The following PAPOLG variants were observed in gnomAD, a reference collection of about 807,000 sequenced individuals.
PAPOLG encodes PAP-gamma.
A neutral mutation model predicts 99.0 loss-of-function variants in PAPOLG; 40 were observed. That is an observed-to-expected ratio of 0.40 (90% confidence interval 0.31 to 0.53). The LOEUF (loss-of-function observed/expected upper bound fraction) is 0.53. PAPOLG is among the 20% of genes least tolerant of loss of function. The pLI, the probability that PAPOLG is intolerant of heterozygous loss-of-function variation, is 0.41. For missense variants in PAPOLG, 675 were observed against 884.1 expected, an observed-to-expected ratio of 0.76 and a Z score of 3.00; for synonymous variants, 310 against 299.3, an observed-to-expected ratio of 1.04 and a Z score of -0.37.
intron 3 of PAPOLG, among the ~76,000 whole-genome samples, chr2:60,764,581 A>C (rs759345646): frequency 1.9e-4 from 29 of 151,878 alleles, no homozygotes; most frequent in Non-Finnish European, 3.7e-4. Context: ...ATGCACCACC[A>C]CACCTGGCTA....
chr2:60,764,641 A>G (rs1186441965), intron 3 of PAPOLG, among the ~76,000 whole-genome samples: 1 of 151,754 alleles, frequency 6.6e-6, no homozygotes, highest in Non-Finnish European at 1.5e-5. Flanking sequence ...GGCCAGGCTG[A>G]TCTCGAACTC....
chr2:60,799,924 C>T lies in PAPOLG; in HGVS notation c.*2764C>T, dbSNP rs979285426. The T allele has an allele frequency of 1.3e-5, 2 of 152,168 alleles. No individual in the cohort carries two copies. Among genetic ancestry groups the T allele is most frequent in the Non-Finnish European group, 2.9e-5 (2 of 68,034 alleles). The allele number at this position is 152,168 out of a possible 1,614,324, so 9.4% of individuals were successfully genotyped here. On this transcript the variant is annotated 3_prime_UTR_variant, in exon 22 of 22. Coordinates refer to ENST00000238714, the MANE Select transcript of PAPOLG (RefSeq NM_022894.4). ...ACAGGCGTGAACCACCGCACCCGGC[C>T]GTGTTTGTTTTCAAGTGTGAAAAAA...
At chr2:60,778,211 A>C (rs926600627) in intron 8 of PAPOLG, among the ~76,000 whole-genome samples, 3 of 152,154 alleles carry the variant, frequency 2.0e-5, no homozygotes, top group Non-Finnish European at 4.4e-5. Flanking sequence ...CAGTGGTGCA[A>C]TTATAGCTCA....
At position 60,792,150 on chromosome 2, in the gene PAPOLG, C is replaced by T; in HGVS notation, c.1540C>T (p.Arg514Ter). Residue 514 changes from arginine (R) to a stop codon, truncating the protein, a stop_gained, in exon 17 of 22, where the codon CGA (arginine) becomes TGA (stop). Transcript: ENST00000238714. LOFTEE classifies it high-confidence loss of function. The stretch of plus-strand genomic sequence containing the variant: ...TCAGCAAAGTCTCTCTGATGTCAAT[C>T]GAAGCTCGGGCGGACTTCAATCCAA... ...KKKQSLSDVN[R>*]SSGGLQSKRL... 1.3e-6 allele frequency: 2 copies of T among 1,588,444 alleles called. No individual in the cohort carries two copies. Among genetic ancestry groups the T allele is most frequent in the Non-Finnish European group, 1.7e-6 (2 of 1,173,314 alleles).
intron 2 of PAPOLG, among the ~76,000 whole-genome samples, chr2:60,760,707 G>A (rs1267483709): frequency 6.6e-6 from 1 of 152,210 alleles, no homozygotes; most frequent in African/African-American, 2.4e-5. Flanking sequence ...TCTGAGCAGT[G>A]AGGAAGCAGG....
chr2:60,779,888 T>G, intron 9 of PAPOLG, 113 bp downstream of exon 9: 3 of 955,434 alleles, frequency 3.1e-6, no homozygotes, highest in Non-Finnish European at 4.5e-6. Context: ...CATTGCTTTG[T>G]AAAGTTGAAA....
intron 8 of PAPOLG, 92 bp downstream of exon 8, chr2:60,775,215 G>A (rs946835022): frequency 3.6e-6 from 5 of 1,393,170 alleles, no homozygotes. Flanking sequence ...TGAACCTAAT[G>A]ATATTGTTGG....
chr2:60,757,148 G>A (rs536728496), intron 1 of PAPOLG, among the ~76,000 whole-genome samples: 1 of 152,350 alleles, frequency 6.6e-6, no homozygotes, highest in East Asian at 1.9e-4. Context: ...GCAGAAAAAT[G>A]TAGAGAATAA....
chr2:60,765,898 G>A (rs1437576374), intron 3 of PAPOLG, among the ~76,000 whole-genome samples: 1 of 152,122 alleles, frequency 6.6e-6, no homozygotes, highest in Non-Finnish European at 1.5e-5. Flanking sequence ...GGAAGATCTT[G>A]AGCCTAAGAG....
intron 7 of PAPOLG, among the ~76,000 whole-genome samples, chr2:60,772,959 A>G (rs1006145214): frequency 5.9e-5 from 9 of 151,776 alleles, no homozygotes; most frequent in Admixed American, 5.9e-4. Context: ...GGAGTCTCAC[A>G]CTGTTACCCA....
At position 60,756,331 on chromosome 2, in the gene PAPOLG, G is replaced by A. The variant is rs1670337217; in HGVS notation, c.-148G>A. ...GGTTTTGTGGTGTTTTCACTACTCG[G>A]TTGGATGCCTCAGCCATAGTAAGTG... On this transcript the variant is annotated 5_prime_UTR_variant, in exon 1 of 22. Transcript: ENST00000238714. 4 of 952,196 alleles carry A rather than the reference G, an allele frequency of 4.2e-6. No individual in the cohort carries two copies. The African/African-American group carries it at 4.9e-5, about 12-fold the overall frequency. 59.0% of individuals were successfully genotyped at this position (952,196 alleles called of 1,614,324 possible).
chr2:60,780,794 A>G lies in PAPOLG; in HGVS notation c.906+15A>G, dbSNP rs1671164678. 2.5e-6 allele frequency: 4 copies of G among 1,583,628 alleles called. No individual in the cohort carries two copies. The highest frequency in any genetic ancestry group is 3.5e-6 in the Non-Finnish European group (4 of 1,152,458). ...GGGATCCTCGGGTATGTGATTTATTATGGAGTTTCTTTAAAGCTTTTAAGG... is the reference window on the plus strand; with the variant it reads ...GGGATCCTCGGGTATGTGATTTATTGTGGAGTTTCTTTAAAGCTTTTAAGG... On this transcript the variant is annotated intron_variant, in intron 10 of 21. Transcript: ENST00000238714.
At chr2:60,783,500 CT>C (rs761205449) in intron 13 of PAPOLG, among the ~76,000 whole-genome samples, 529 of 45,342 alleles carry the variant, frequency 0.012, 1 homozygote, top group Non-Finnish European at 0.018. Context: ...TTTACCCGGC[CT>C]TTTTTTTTTT....
rs567504914 is a variant in PAPOLG at position 60,795,357 on chromosome 2, A to G, written c.2112+337A>G. 11 of 469,174 alleles carry G rather than the reference A, an allele frequency of 2.3e-5. No individual in the cohort carries two copies. The East Asian group carries it at 2.4e-4, about 10-fold the overall frequency. 29.1% of individuals were successfully genotyped at this position (469,174 alleles called of 1,614,324 possible). ...TGGAGGTATATCTCTGTTGTGTACTATTGCTTACTGCCAAAACATAGGTTT... is the reference window on the plus strand; with the variant it reads ...TGGAGGTATATCTCTGTTGTGTACTGTTGCTTACTGCCAAAACATAGGTTT... On this transcript the variant is annotated intron_variant, in intron 21 of 21. Coordinates refer to ENST00000238714, the MANE Select transcript of PAPOLG (RefSeq NM_022894.4).
At chr2:60,791,714 T>C in intron 15 of PAPOLG, 47 bp from the exon 16 acceptor site, 1 of 1,561,350 alleles carries the variant, frequency 6.4e-7, no homozygotes, top group Non-Finnish European at 8.6e-7. Flanking sequence ...GGCAGAACCC[T>C]TGGTTCAGAA....
At chr2:60,778,592 A>G (rs1319099202) in intron 8 of PAPOLG, among the ~76,000 whole-genome samples, 1 of 152,168 alleles carries the variant, frequency 6.6e-6, no homozygotes, top group Non-Finnish European at 1.5e-5. Flanking sequence ...TGTACTTTAA[A>G]TGGACGAATC....
At chr2:60,760,378 C>T in intron 2 of PAPOLG, 83 bp downstream of exon 2, 2 of 1,298,912 alleles carry the variant, frequency 1.5e-6, no homozygotes, top group Non-Finnish European at 1.1e-6. Flanking sequence ...CCTACTGTGT[C>T]TCTAGATACA....
chr2:60,782,390 A>G (rs1479448678), intron 11 of PAPOLG, among the ~76,000 whole-genome samples: 1 of 151,946 alleles, frequency 6.6e-6, no homozygotes, highest in Admixed American at 6.6e-5. Context: ...AACCTGGTGA[A>G]ACCCTGTCTC....
At chr2:60,782,145 T>A (rs1573241811) in intron 11 of PAPOLG, 140 bp downstream of exon 11, 1 of 936,958 alleles carries the variant, frequency 1.1e-6, no homozygotes, top group East Asian at 2.6e-5. Context: ...GTTATTTTGT[T>A]TTTTAGTAAT....
Sources: allele counts gnomAD v4.1 joint callset (sites outside exome capture counted in the v4.1 genomes callset), GRCh38; gene constraint gnomAD v4.1.1; transcripts MANE v1.5; gene names NCBI Gene and HGNC (gene_info 2026-07-23, HGNC 2026-07-21).